Variants in CEP128 observed in about 807,000 individuals in gnomAD.
CEP128 encodes the protein centrosomal protein 128.
A neutral mutation model predicts 156.7 loss-of-function variants in CEP128; 132 were observed. That is an observed-to-expected ratio of 0.84 (90% CI 0.73 to 0.97). CEP128 has a LOEUF of 0.97. Ranked by LOEUF, CEP128 falls within the 50% of genes least tolerant of loss-of-function variation. CEP128 has a pLI of 0.00. For synonymous variants in CEP128, 469 were observed against 448.9 expected, an observed-to-expected ratio of 1.04 and a Z score of -0.57; for missense variants, 1,252 against 1,281.9, an observed-to-expected ratio of 0.98 and a Z score of 0.36.
At chr14:80,484,687 C>T (rs1887122214) in intron 14 of CEP128, among the ~76,000 whole-genome samples, 1 of 152,176 alleles carries the variant, frequency 6.6e-6, no homozygotes, top group African/African-American at 2.4e-5. Context: ...CCACTCACAT[C>T]CATGCTTTCA....
chr14:80,711,974 A>G (rs1897429048), intron 19 of CEP128, among the ~76,000 whole-genome samples: 1 of 152,184 alleles, frequency 6.6e-6, no homozygotes, highest in Admixed American at 6.5e-5. Context: ...TGCTACAAAC[A>G]TAAGTATACG....
At chr14:80,718,637 T>C (rs1897698652) in intron 19 of CEP128, among the ~76,000 whole-genome samples, 2 of 152,234 alleles carry the variant, frequency 1.3e-5, no homozygotes, top group Admixed American at 1.3e-4. Flanking sequence ...CTTGTAGTGA[T>C]ACTGAGTATT....
rs1890571284 is a variant in CEP128 at position 80,559,315 on chromosome 14, C to T, written c.2857-13G>A. The T allele has an allele frequency of 6.3e-7, 1 of 1,587,510 alleles. No individual in the cohort carries two copies. Among genetic ancestry groups the T allele is most frequent in the South Asian group, 1.2e-5 (1 of 85,226 alleles). On this transcript the variant is annotated splice_polypyrimidine_tract_variant and intron_variant, in intron 20 of 24. Coordinates refer to ENST00000555265, the MANE Select transcript of CEP128 (RefSeq NM_152446.5). The stretch of plus-strand genomic sequence containing the variant: ...CAATTACACGGTCCTGCAAAGAAAG[C>T]ATAATATATAATTATAAAACGAAGG...
At position 80,905,995 on chromosome 14, in the gene CEP128, T is replaced by C. The variant is rs927503261; in HGVS notation, c.321A>G (p.Thr107=). The C allele has an allele frequency of 1.2e-6, 2 of 1,613,314 alleles. No homozygotes were observed. The highest frequency in any genetic ancestry group is 1.7e-6 in the Non-Finnish European group (2 of 1,179,642). ...CATCAAGGTCACTTGCACTCAAACT[T>C]GTAACAGAAATACTTCTCCCTCCTG... ...RNSGGRSISV[T]SLSASDLDGG... Residue 107 remains threonine, a synonymous_variant, in exon 5 of 25, where the codon ACA becomes ACG. Coordinates refer to ENST00000555265, the MANE Select transcript of CEP128 (RefSeq NM_152446.5).
At chr14:80,702,359 C>T (rs1897102649) in intron 19 of CEP128, among the ~76,000 whole-genome samples, 1 of 152,148 alleles carries the variant, frequency 6.6e-6, no homozygotes. Flanking sequence ...CCTATACATC[C>T]ATTTGCCCTT....
chr14:80,862,159 T>C (rs1887544129), intron 9 of CEP128, among the ~76,000 whole-genome samples: 1 of 152,228 alleles, frequency 6.6e-6, no homozygotes, highest in South Asian at 2.1e-4. Context: ...TCAGACTTTT[T>C]CTGTAAAGGG....
intron 19 of CEP128, among the ~76,000 whole-genome samples, chr14:80,711,907 T>G (rs1289383234): frequency 6.6e-6 from 1 of 152,124 alleles, no homozygotes; most frequent in Non-Finnish European, 1.5e-5. Context: ...GTGAAAATAA[T>G]TTCAATGGTG....
rs563652475 is a variant in CEP128 at position 80,517,702 on chromosome 14, G to A, written c.3072+9167C>T. On this transcript the variant is annotated intron_variant, in intron 23 of 24. Transcript: ENST00000555265. ...CAAGCCTCTTGTTCTCTGACCTGGG[G>A]TTCTTGGCCTCACAGATTCCAAGGA... Among the ~76,000 whole-genome samples the A allele has an allele frequency of 2.0e-5, 3 of 152,274 alleles. No individual in the cohort carries two copies. In the South Asian group the frequency reaches 6.2e-4, roughly 32 times the overall value.
intron 20 of CEP128, among the ~76,000 whole-genome samples, chr14:80,579,072 G>A (rs181538689): frequency 6.6e-6 from 1 of 152,302 alleles, no homozygotes; most frequent in East Asian, 1.9e-4. Context: ...CATTTGCACT[G>A]TGAAAGAAAA....
At chr14:80,649,598 G>A (rs1424233802) in intron 19 of CEP128, among the ~76,000 whole-genome samples, 2 of 152,068 alleles carry the variant, frequency 1.3e-5, no homozygotes, top group Admixed American at 6.6e-5. Context: ...TGATTCTATT[G>A]CACCACCTTG....
chr14:80,955,998 G>C (rs1886657029), intron 2 of CEP128: 1 of 951,640 alleles, frequency 1.1e-6, no homozygotes, highest in Non-Finnish European at 1.6e-6. Flanking sequence ...GTGTAGATGT[G>C]TGTGTGTGCT....
At chr14:80,722,024 A>G (rs1034778509) in intron 19 of CEP128, among the ~76,000 whole-genome samples, 3 of 152,222 alleles carry the variant, frequency 2.0e-5, no homozygotes, top group African/African-American at 7.2e-5. Context: ...GGAAGGATAT[A>G]AACAATAAAA....
chr14:80,477,533 G>A (rs1352141950), exon 15 of CEP128: 3 of 152,122 alleles, frequency 2.0e-5, no homozygotes, highest in Non-Finnish European at 4.4e-5. Flanking sequence ...TCTAAACCAC[G>A]ATGCAGTCAT....
intron 19 of CEP128, among the ~76,000 whole-genome samples, chr14:80,697,565 T>G (rs533184688): frequency 4.6e-5 from 7 of 152,206 alleles, no homozygotes; most frequent in African/African-American, 1.7e-4. Flanking sequence ...CATAGCAATT[T>G]CTTTATTGTC....
chr14:80,830,283 G>A, intron 13 of CEP128: 4 of 593,592 alleles, frequency 6.7e-6, no homozygotes, highest in Admixed American at 2.9e-5. Context: ...CTATTGATGT[G>A]CTGACAAGAT....
chr14:80,670,766 G>A (rs931211584), intron 19 of CEP128, among the ~76,000 whole-genome samples: 3 of 151,742 alleles, frequency 2.0e-5, no homozygotes, highest in African/African-American at 2.4e-5. Context: ...ATAAATTTAC[G>A]TACATTTTAA....
At chr14:80,488,151 A>G (rs539668325), downstream of CEP128, among the ~76,000 whole-genome samples, 1 of 104,094 alleles carries the variant, frequency 9.6e-6, no homozygotes, top group African/African-American at 2.8e-5. Flanking sequence ...AGAAGAAAAG[A>G]GAGAAGAATC....
chr14:80,573,953 A>G (rs2041386699), intron 20 of CEP128, among the ~76,000 whole-genome samples: 1 of 152,182 alleles, frequency 6.6e-6, no homozygotes, highest in Admixed American at 6.6e-5. Flanking sequence ...TTTCAGAAGA[A>G]GACATAGAGA....
intron 2 of CEP128, among the ~76,000 whole-genome samples, chr14:80,957,644 G>A (rs769913316): frequency 1.3e-5 from 2 of 152,154 alleles, no homozygotes; most frequent in African/African-American, 4.8e-5. Context: ...AAAGGAACTC[G>A]TAGACATCCT....
Sources: gnomAD v4.1 joint callset for allele counts (sites outside exome capture counted in the v4.1 genomes callset) on GRCh38, gnomAD v4.1.1 for gene constraint, MANE v1.5 for transcripts, NCBI Gene and HGNC (gene_info 2026-07-23, HGNC 2026-07-21) for gene names.